The following GAS2 variants were observed in gnomAD, a reference collection of about 807,000 sequenced individuals.
GAS2 encodes growth arrest-specific protein 2.
GAS2 carries 20 observed loss-of-function variants against 37.5 expected under a neutral mutation model. That is an observed-to-expected ratio of 0.53 (90% CI 0.37 to 0.77). The LOEUF (loss-of-function observed/expected upper bound fraction) is 0.77. GAS2 is among the 30% of genes least tolerant of loss of function. The probability of loss-of-function intolerance (pLI) is 0.00; values close to 1 mark genes in which losing one functional copy is unlikely to be tolerated. For synonymous variants in GAS2, 144 were observed against 132.2 expected (o/e 1.09, Z -0.61); for missense variants, 336 against 373.4 (o/e 0.90, Z 0.82).
In GAS2 at chr11:22,735,716, T is replaced by G. The variant is rs1415491836; in HGVS notation, c.410-1989T>G. Among the ~76,000 whole-genome samples the G allele has an allele frequency of 4.6e-5, 7 of 151,934 alleles. No individual in the cohort carries two copies. The East Asian group carries it at 1.3e-3, about 29-fold the overall frequency. ...AAATTAGTACTCAGAATATGTACAGTAAGTTGGTTAAAGAACCATTATTAT... is the reference window on the plus strand; with the variant it reads ...AAATTAGTACTCAGAATATGTACAGGAAGTTGGTTAAAGAACCATTATTAT... On this transcript the variant is annotated intron_variant, in intron 4 of 7. Coordinates refer to ENST00000454584, the MANE Select transcript of GAS2 (RefSeq NM_001143830.3).
At chr11:22,685,517 CA>C in intron 2 of GAS2, 150 bp from the exon 3 acceptor site, 1 of 697,026 alleles carries the variant, frequency 1.4e-6, no homozygotes, top group East Asian at 2.8e-5. Flanking sequence ...TAGAAAATTC[CA>C]AAGAAATGAC....
Position 22,763,188 on chromosome 11 carries a change from C to T in GAS2, c.723+7235C>T, listed in dbSNP as rs901900551. Among the ~76,000 whole-genome samples the T allele has an allele frequency of 3.3e-5, 5 of 152,270 alleles. No individual in the cohort carries two copies. The East Asian group carries it at 5.8e-4, about 18-fold the overall frequency. ...TCATCACAGATCAATAGAAAGGTCA[C>T]ACACATTGTTATTGACTCTGTGTAA... On this transcript the variant is annotated intron_variant, in intron 7 of 7. Transcript: ENST00000454584.
chr11:22,671,015 G>T (rs765756409), intron 1 of GAS2, among the ~76,000 whole-genome samples: 8 of 152,104 alleles, frequency 5.3e-5, no homozygotes, highest in Non-Finnish European at 8.8e-5. Flanking sequence ...CCTCTAGGTG[G>T]CATGGAAGAA....
intron 2 of GAS2, among the ~76,000 whole-genome samples, chr11:22,681,116 G>C (rs1352709731): frequency 1.3e-5 from 2 of 152,138 alleles, no homozygotes; most frequent in African/African-American, 4.8e-5. Flanking sequence ...TTATTGGGAA[G>C]AAAACATTCT....
Position 22,766,982 on chromosome 11 carries a change from T to C in GAS2, c.723+11029T>C, listed in dbSNP as rs142600722. ...TATGACCAAGTGCAAACTGAAAACG[T>C]TGGCATAGCAACTAATGCTTTGAAA... On this transcript the variant is annotated intron_variant, in intron 7 of 7. Transcript: ENST00000454584. 7.0e-3 allele frequency among the ~76,000 whole-genome samples: 1,073 copies of C among 152,302 alleles called. 8 individuals carry two copies. The highest frequency in any genetic ancestry group is 0.024 in the African/African-American group (993 of 41,570).
chr11:22,735,990 T>C (rs1284165213), intron 4 of GAS2, among the ~76,000 whole-genome samples: 2 of 126,676 alleles, frequency 1.6e-5, no homozygotes, highest in African/African-American at 5.7e-5. Flanking sequence ...TGTTATTTTG[T>C]ACCATGGATA....
intron 3 of GAS2, 84 bp from the exon 4 acceptor site, chr11:22,726,208 G>A: frequency 7.2e-7 from 1 of 1,384,754 alleles, no homozygotes; most frequent in Non-Finnish European, 9.9e-7. Context: ...TAATTCCGAA[G>A]CATTTTGTTG....
At chr11:22,774,479 A>G (rs1452020587) in intron 7 of GAS2, among the ~76,000 whole-genome samples, 3 of 152,234 alleles carry the variant, frequency 2.0e-5, no homozygotes, top group Admixed American at 2.0e-4. Flanking sequence ...CCTATGTTTC[A>G]TGAAAATGTG....
chr11:22,722,204 C>A (rs1371563772), intron 3 of GAS2, among the ~76,000 whole-genome samples: 1 of 151,792 alleles, frequency 6.6e-6, no homozygotes, highest in Non-Finnish European at 1.5e-5. Flanking sequence ...TGTTTATTGC[C>A]ACCAATCTTG....
At chr11:22,752,025 A>G (rs1853767371) in intron 6 of GAS2, among the ~76,000 whole-genome samples, 1 of 152,062 alleles carries the variant, frequency 6.6e-6, no homozygotes, top group Non-Finnish European at 1.5e-5. Flanking sequence ...GGAAATATAC[A>G]ATGTGGATAT....
rs139630466 is a variant in GAS2, at chr11:22,778,218, T to C, written c.723+22265T>C. 2.8e-4 allele frequency among the ~76,000 whole-genome samples: 42 copies of C among 152,324 alleles called. No individual in the cohort carries two copies. The East Asian group carries it at 8.1e-3, about 29-fold the overall frequency. ...ATAACCTTGATCAAGTTATTTAAAATCTCTGTGACTCATCTATAATGTGAA... is the reference window on the plus strand; with the variant it reads ...ATAACCTTGATCAAGTTATTTAAAACCTCTGTGACTCATCTATAATGTGAA... On this transcript the variant is annotated intron_variant, in intron 7 of 7. Coordinates refer to ENST00000454584, the MANE Select transcript of GAS2 (RefSeq NM_001143830.3).
chr11:22,803,168 C>A (rs928572419), intron 7 of GAS2, among the ~76,000 whole-genome samples: 1 of 152,074 alleles, frequency 6.6e-6, no homozygotes, highest in Admixed American at 6.6e-5. Flanking sequence ...CAAAGTTCAA[C>A]TCTGTGAAGC....
chr11:22,757,335 A>G (rs1031883862), intron 7 of GAS2, among the ~76,000 whole-genome samples: 2 of 152,018 alleles, frequency 1.3e-5, no homozygotes, highest in Admixed American at 6.6e-5. Context: ...TTGATATTCC[A>G]TTTTTCTTTT....
At chr11:22,719,653 T>C (rs115224424) in intron 3 of GAS2, among the ~76,000 whole-genome samples, 2,118 of 152,234 alleles carry the variant, frequency 0.014, 42 homozygotes, top group African/African-American at 0.048. Flanking sequence ...TAAACCCTGA[T>C]CTTTTTACTG....
At chr11:22,627,408 G>A (rs770021943) in intron 1 of GAS2, among the ~76,000 whole-genome samples, 1 of 152,330 alleles carries the variant, frequency 6.6e-6, no homozygotes, top group Admixed American at 6.5e-5. Context: ...CCTCAAATGT[G>A]ATAGTAGGAT....
chr11:22,812,771 T>C lies in GAS2; in HGVS notation c.*755T>C, dbSNP rs1590160425. 2 of 152,570 alleles carry C rather than the reference T, an allele frequency of 1.3e-5. No individual in the cohort carries two copies. The highest frequency in any genetic ancestry group is 4.8e-5 in the African/African-American group (2 of 41,448). The allele number at this position is 152,570 out of a possible 1,614,324, so 9.5% of individuals were successfully genotyped here. On this transcript the variant is annotated 3_prime_UTR_variant, in exon 8 of 8. Coordinates refer to ENST00000454584, the MANE Select transcript of GAS2 (RefSeq NM_001143830.3). ...ATACTTTGACGAGTAAATTGTACAG[T>C]CAAATGTTCATTGATTTCATGTTAT...
chr11:22,635,161 T>C (rs967462594), intron 1 of GAS2, among the ~76,000 whole-genome samples: 1 of 152,170 alleles, frequency 6.6e-6, no homozygotes, highest in African/African-American at 2.4e-5. Context: ...GGCAGAGTCA[T>C]AGGACTTCCC....
At chr11:22,658,272 G>T (rs1190022891) in intron 1 of GAS2, among the ~76,000 whole-genome samples, 5 of 152,020 alleles carry the variant, frequency 3.3e-5, no homozygotes, top group Non-Finnish European at 5.9e-5. Context: ...CAGATGATCT[G>T]CCCGCCTCAG....
rs558696353 is a variant in GAS2, at chr11:22,725,558, A to G, written c.268-734A>G. ...ATCCTCTTGCCTCAGCTCCCCAAGT[A>G]GCTGGGACCATAGATGTACACAATA... On this transcript the variant is annotated intron_variant, in intron 3 of 7. Transcript: ENST00000454584. Among the ~76,000 whole-genome samples, 100 of 152,148 alleles carry G rather than the reference A, an allele frequency of 6.6e-4. 1 individual carries two copies. The South Asian group carries it at 0.02, about 31-fold the overall frequency.
Sources: allele counts gnomAD v4.1 joint callset (sites outside exome capture counted in the v4.1 genomes callset), GRCh38; gene constraint gnomAD v4.1.1; transcripts MANE v1.5; gene names NCBI Gene and HGNC (gene_info 2026-07-23, HGNC 2026-07-21).